The following AK4 variants were observed in gnomAD, a reference collection of about 807,000 sequenced individuals.
The protein encoded by AK4 is adenylate kinase 4, also known as adenylate kinase 4, mitochondrial.
In AK4, 13 loss-of-function variants were observed where a neutral mutation model predicts 24.6. That is an observed-to-expected ratio of 0.53 (90% CI 0.34 to 0.84). AK4 has a LOEUF of 0.84. Ranked by LOEUF, AK4 falls within the 40% of genes least tolerant of loss-of-function variation. AK4 has a pLI of 0.01. For missense variants in AK4, 192 were observed against 288.2 expected (o/e 0.67, Z 2.42); for synonymous variants, 88 against 107.0 (o/e 0.82, Z 1.10).
chr1:65,161,097 A>T (rs1344056852), intron 1 of AK4, among the ~76,000 whole-genome samples: 1 of 151,310 alleles, frequency 6.6e-6, no homozygotes, highest in Non-Finnish European at 1.5e-5. Context: ...TCCCTAAAAC[A>T]TTTTTTTTTA....
chr1:65,148,462 G>T lies in AK4; in HGVS notation c.55G>T (p.Gly19Cys). 1 of 1,574,804 alleles carries T rather than the reference G, an allele frequency of 6.3e-7. No homozygotes were observed. Among genetic ancestry groups the T allele is most frequent in the Non-Finnish European group, 8.6e-7 (1 of 1,161,776 alleles). Reference sequence around the variant, plus strand: ...CCTCGGGCCGCCCGGCTCGGGCAAGGGCACCGTGTGCCAGAGGATCGCCCA... The same window carrying T: ...CCTCGGGCCGCCCGGCTCGGGCAAGTGCACCGTGTGCCAGAGGATCGCCCA... ...VILGPPGSGK[G>C]TVCQRIAQNF... The change falls in exon 1 of 5, where the codon GGC becomes TGC. Residue 19 changes from glycine to cysteine, a missense_variant. By Grantham distance (159) the Gly-to-Cys change is radical. Coordinates refer to ENST00000327299, the MANE Select transcript of AK4 (RefSeq NM_013410.4).
chr1:65,198,072 G>A (rs1033501156), intron 2 of AK4, among the ~76,000 whole-genome samples: 1 of 152,176 alleles, frequency 6.6e-6, no homozygotes, highest in Non-Finnish European at 1.5e-5. Flanking sequence ...GTGTTTATGT[G>A]TAGGAGGGCA....
chr1:65,175,474 A>C (rs1014455739), intron 1 of AK4, among the ~76,000 whole-genome samples: 2 of 152,230 alleles, frequency 1.3e-5, no homozygotes, highest in African/African-American at 4.8e-5. Flanking sequence ...TCCTGTTCAG[A>C]GAGGCAGCCA....
At chr1:65,156,939 AAG>A (rs1413914054) in intron 1 of AK4, among the ~76,000 whole-genome samples, 4 of 151,864 alleles carry the variant, frequency 2.6e-5, no homozygotes, top group African/African-American at 9.7e-5. Flanking sequence ...AAAAAAAAAA[AAG>A]AAAGAAAATT....
At chr1:65,214,838 T>C (rs2101077954) in intron 2 of AK4, among the ~76,000 whole-genome samples, 1 of 152,344 alleles carries the variant, frequency 6.6e-6, no homozygotes, top group South Asian at 2.1e-4. Context: ...AGGGAGTTCG[T>C]AAATCTGGAA....
Position 65,226,338 on chromosome 1 carries a change from T to C in AK4, c.*161T>C. 1.2e-6 allele frequency: 1 copy of C among 867,472 alleles called. No homozygotes were observed. The highest frequency in any genetic ancestry group is 1.7e-6 in the Non-Finnish European group (1 of 577,482). The allele number at this position is 867,472 out of a possible 1,614,324, so 53.7% of individuals were successfully genotyped here. A position where few individuals can be genotyped will look rare whatever the true frequency, so the allele number is the denominator to read the frequency against. On this transcript the variant is annotated 3_prime_UTR_variant, in exon 5 of 5. Transcript: ENST00000327299. ...AAAACAAATGAGTAGAAAGAGTTCATGAAGAGGCCCTCCTCTGCCTTTCAA... is the reference window on the plus strand; with the variant it reads ...AAAACAAATGAGTAGAAAGAGTTCACGAAGAGGCCCTCCTCTGCCTTTCAA...
Position 65,149,331 on chromosome 1 carries a change from G to C in AK4, c.145+779G>C, listed in dbSNP as rs145687880. Reference sequence around the variant, plus strand: ...TGGTGAACTTGGGGATATATAGATCGCCTGATTTCTTAGTCTGACGGGGTT... The same window carrying C: ...TGGTGAACTTGGGGATATATAGATCCCCTGATTTCTTAGTCTGACGGGGTT... On this transcript the variant is annotated intron_variant, in intron 1 of 4. Coordinates refer to ENST00000327299, the MANE Select transcript of AK4 (RefSeq NM_013410.4). Among the ~76,000 whole-genome samples, 641 of 152,294 alleles carry C rather than the reference G, an allele frequency of 4.2e-3. 4 individuals are homozygous for C. Among genetic ancestry groups the C allele is most frequent in the African/African-American group, 0.015 (614 of 41,564 alleles).
chr1:65,215,071 C>T (rs1437448008), intron 2 of AK4, among the ~76,000 whole-genome samples: 1 of 152,160 alleles, frequency 6.6e-6, no homozygotes, highest in Non-Finnish European at 1.5e-5. Context: ...ATACCCAAGT[C>T]CTGCTCTCAC....
intron 2 of AK4, among the ~76,000 whole-genome samples, chr1:65,211,412 A>T (rs1651968520): frequency 6.6e-6 from 1 of 152,238 alleles, no homozygotes; most frequent in Non-Finnish European, 1.5e-5. Flanking sequence ...CCTGTCAGAG[A>T]CATCAGGATC....
At chr1:65,166,292 A>C (rs1230303556) in intron 1 of AK4, among the ~76,000 whole-genome samples, 5 of 149,160 alleles carry the variant, frequency 3.4e-5, no homozygotes, top group Non-Finnish European at 7.4e-5. Flanking sequence ...ATGGAAGCAC[A>C]ATCCAGTGGG....
At chr1:65,209,075 A>G (rs1365060598) in intron 2 of AK4, among the ~76,000 whole-genome samples, 1 of 152,238 alleles carries the variant, frequency 6.6e-6, no homozygotes, top group Non-Finnish European at 1.5e-5. Flanking sequence ...TTAAAAATAT[A>G]AAATTTCAGC....
At chr1:65,173,646 C>T (rs573676311) in intron 1 of AK4, among the ~76,000 whole-genome samples, 2 of 152,262 alleles carry the variant, frequency 1.3e-5, no homozygotes, top group South Asian at 2.1e-4. Flanking sequence ...GTGGGCAGAT[C>T]GCTTGTGCTC....
At chr1:65,202,475 T>A (rs1289082693) in intron 2 of AK4, among the ~76,000 whole-genome samples, 1 of 152,098 alleles carries the variant, frequency 6.6e-6, no homozygotes, top group Non-Finnish European at 1.5e-5. Flanking sequence ...CATTAAACTG[T>A]GGTTTCTCTG....
intron 2 of AK4, among the ~76,000 whole-genome samples, chr1:65,217,335 A>G (rs1652163131): frequency 6.6e-6 from 1 of 152,176 alleles, no homozygotes; most frequent in African/African-American, 2.4e-5. Context: ...TGTAAGTGCT[A>G]CAGGGCCATG....
At chr1:65,152,360 C>CTCTCTATA (rs1277948363) in intron 1 of AK4, among the ~76,000 whole-genome samples, 23 of 27,960 alleles carry the variant, frequency 8.2e-4, no homozygotes, top group African/African-American at 1.3e-3. Context: ...CTCTCTCTCT[C>CTCTCTATA]TATATATATA....
intron 1 of AK4, among the ~76,000 whole-genome samples, chr1:65,150,285 C>T (rs199626848): frequency 5.8e-4 from 82 of 140,890 alleles, no homozygotes; most frequent in African/African-American, 1.6e-3. Context: ...CTCTCTCTCT[C>T]TTTTTTTTTT....
At chr1:65,194,618 T>A (rs10749751) in intron 2 of AK4, among the ~76,000 whole-genome samples, 46,635 of 152,120 alleles carry the variant, frequency 0.31, 7,627 homozygotes, top group East Asian at 0.52. Flanking sequence ...TGTGCCACCA[T>A]GCCCAGCTAA....
intron 1 of AK4, among the ~76,000 whole-genome samples, chr1:65,178,678 A>G (rs760607608): frequency 1.3e-5 from 2 of 151,984 alleles, no homozygotes; most frequent in Admixed American, 6.6e-5. Flanking sequence ...CAGAAGCCCA[A>G]CTCCAGTGTG....
intron 3 of AK4, 111 bp downstream of exon 3, chr1:65,219,037 A>G (rs2101085702): frequency 2.7e-6 from 2 of 737,884 alleles, no homozygotes; most frequent in Non-Finnish European, 2.0e-6. Flanking sequence ...ACAAATCTAC[A>G]TGACCAAAAA....
Sources: gnomAD v4.1 joint callset for allele counts (sites outside exome capture counted in the v4.1 genomes callset) on GRCh38, gnomAD v4.1.1 for gene constraint, MANE v1.5 for transcripts, NCBI Gene and HGNC (gene_info 2026-07-23, HGNC 2026-07-21) for gene names.